Variants in SUGP2 observed in about 807,000 individuals in gnomAD.
SUGP2 encodes SURP and G-patch domain-containing protein 2.
SUGP2 carries 24 observed loss-of-function variants against 90.5 expected under a neutral mutation model. The ratio of observed to expected loss-of-function variants is 0.27; its 90% CI spans 0.19 to 0.37. The LOEUF (loss-of-function observed/expected upper bound fraction) is 0.37. SUGP2 is among the 10% of genes least tolerant of loss of function. The probability of loss-of-function intolerance (pLI) is 1.00; values close to 1 mark genes in which losing one functional copy is unlikely to be tolerated. For synonymous variants in SUGP2, 473 were observed against 513.4 expected (o/e 0.92, Z 1.06); for missense variants, 1,233 against 1,363.3 (o/e 0.90, Z 1.51).
At chr19:19,008,240 T>C (rs1260475511) in intron 6 of SUGP2, 77 bp downstream of exon 6, 2 of 1,258,390 alleles carry the variant, frequency 1.6e-6, no homozygotes, top group South Asian at 2.4e-5. Context: ...GGAATTCAAA[T>C]CCAGCCTAAG....
At position 19,031,783 on chromosome 19, in the gene SUGP2, C is replaced by T. The variant is rs1032400040; in HGVS notation, c.-11-701G>A. Among the ~76,000 whole-genome samples the T allele has an allele frequency of 9.3e-5, 14 of 151,200 alleles. 1 individual carries two copies. Among genetic ancestry groups the T allele is most frequent in the Admixed American group, 5.3e-4 (8 of 15,162 alleles). ...TAAGGAGGCAGTAATCCATAATCCTCGCATGGTACTTCAGAGGCAAGCTGG... is the reference window on the plus strand; with the variant it reads ...TAAGGAGGCAGTAATCCATAATCCTTGCATGGTACTTCAGAGGCAAGCTGG... On this transcript the variant is annotated intron_variant, in intron 1 of 10. Transcript: ENST00000452918.
At position 18,992,037 on chromosome 19, in the gene SUGP2, T is replaced by C. The variant is rs1217083084; in HGVS notation, c.*1704A>G. The stretch of plus-strand genomic sequence containing the variant: ...GACCACAGCCTAGGAAGTCTGTGGC[T>C]TAAAGAAAGCCAGGATTTCCTTTTT... On this transcript the variant is annotated 3_prime_UTR_variant, in exon 11 of 11. Coordinates refer to ENST00000452918, the MANE Select transcript of SUGP2 (RefSeq NM_001017392.5). The C allele has an allele frequency of 1.3e-5, 2 of 151,856 alleles. No homozygotes were observed. 9.4% of individuals were successfully genotyped at this position (151,856 alleles called of 1,614,324 possible). A position where few individuals can be genotyped will look rare whatever the true frequency, so the allele number is the denominator to read the frequency against.
At chr19:19,009,068 C>T (rs151181323) in intron 5 of SUGP2, among the ~76,000 whole-genome samples, 2,194 of 152,210 alleles carry the variant, frequency 0.014, 50 homozygotes, top group African/African-American at 0.047. Flanking sequence ...TGTGCCACCA[C>T]GCCCAGCTAA....
chr19:19,006,700 C>T (rs548609101), intron 6 of SUGP2, among the ~76,000 whole-genome samples: 11 of 152,192 alleles, frequency 7.2e-5, no homozygotes, highest in East Asian at 5.8e-4. Context: ...TGGACAGGTC[C>T]GACCCCGAGG....
rs1197848922 is a variant in SUGP2 at position 19,031,079 on chromosome 19, T to C, written c.-8A>G. ...AATTCGTCTGGCTGCCATGTTATTTTGCCCTATGGTGAGAGAGAAAAAAAT... is the reference window on the plus strand; with the variant it reads ...AATTCGTCTGGCTGCCATGTTATTTCGCCCTATGGTGAGAGAGAAAAAAAT... On this transcript the variant is annotated 5_prime_UTR_variant, in exon 2 of 11. Coordinates refer to ENST00000452918, the MANE Select transcript of SUGP2 (RefSeq NM_001017392.5). 4.4e-6 allele frequency: 7 copies of C among 1,608,610 alleles called. No individual in the cohort carries two copies. Among genetic ancestry groups the C allele is most frequent in the Middle Eastern group, 3.3e-4 (2 of 6,054 alleles).
chr19:19,016,613 C>G (rs1183871066), intron 4 of SUGP2, among the ~76,000 whole-genome samples: 1 of 152,130 alleles, frequency 6.6e-6, no homozygotes, highest in African/African-American at 2.4e-5. Context: ...TGGTTCAGAC[C>G]ACAGACCCTG....
At chr19:18,999,620 G>A (rs1192985822) in intron 8 of SUGP2, among the ~76,000 whole-genome samples, 1 of 152,178 alleles carries the variant, frequency 6.6e-6, no homozygotes, top group African/African-American at 2.4e-5. Context: ...ACTCGGGAAG[G>A]TCCCTCCTTC....
intron 8 of SUGP2, among the ~76,000 whole-genome samples, chr19:18,999,186 A>G (rs905823949): frequency 2.0e-5 from 3 of 152,164 alleles, no homozygotes; most frequent in African/African-American, 7.2e-5. Flanking sequence ...GGTTTCCTGG[A>G]CAGCTGGAGG....
At chr19:19,028,907 A>G (rs1218807896) in intron 2 of SUGP2, among the ~76,000 whole-genome samples, 1 of 152,092 alleles carries the variant, frequency 6.6e-6, no homozygotes, top group Non-Finnish European at 1.5e-5. Flanking sequence ...GACTGGTCTC[A>G]AACTCCTGAC....
At chr19:19,013,859 T>C (rs1167854080) in intron 4 of SUGP2, among the ~76,000 whole-genome samples, 2 of 152,250 alleles carry the variant, frequency 1.3e-5, no homozygotes, top group Non-Finnish European at 2.9e-5. Context: ...TTCAGCTTTA[T>C]ATCCTGCACT....
chr19:19,024,972 A>T lies in SUGP2; in HGVS notation c.1376T>A (p.Leu459His), dbSNP rs908952965. Residue 459 changes from leucine to histidine, a missense_variant, in exon 3 of 11, where the codon CTC becomes CAC. Physicochemically the swap from Leu to His is moderately conservative, Grantham distance 99 (BLOSUM62 -3). Around this residue, in one of 8 missense-constraint regions of SUGP2, gnomAD observed 59 missense variants for 92.6 expected, o/e 0.64. Transcript: ENST00000452918. Reference sequence around the variant, plus strand: ...AAGAGCCAAGTCCAGGGGGTTACTGAGGGTCTTCATCTTGACACTTAGCTC... The same window carrying T: ...AAGAGCCAAGTCCAGGGGGTTACTGTGGGTCTTCATCTTGACACTTAGCTC... Reference protein sequence around the residue: ...AYELSVKMKTLSNPLDLALAL... With the variant: ...AYELSVKMKTHSNPLDLALAL... 26 of 1,614,028 alleles carry T rather than the reference A, an allele frequency of 1.6e-5. No individual in the cohort carries two copies. Among genetic ancestry groups the T allele is most frequent in the Non-Finnish European group, 2.5e-6 (3 of 1,180,026 alleles).
intron 4 of SUGP2, among the ~76,000 whole-genome samples, chr19:19,017,368 T>G (rs2058538846): frequency 6.6e-6 from 1 of 152,192 alleles, no homozygotes; most frequent in African/African-American, 2.4e-5. Flanking sequence ...TTGTTACTAG[T>G]GAGACAGAAG....
chr19:19,002,505 GTTTTTTTTTTTTTTT>G (rs58282570), intron 7 of SUGP2, among the ~76,000 whole-genome samples: 2 of 61,102 alleles, frequency 3.3e-5, no homozygotes, highest in Non-Finnish European at 5.7e-5. Context: ...TAGCAAGTCT[GTTTTTTTTTTTTTTT>G]TTTTTTTTTT....
chr19:19,001,496 T>C, intron 8 of SUGP2, 117 bp downstream of exon 8: 1 of 1,072,472 alleles, frequency 9.3e-7, no homozygotes, highest in East Asian at 2.4e-5. Flanking sequence ...TTTTACACAT[T>C]AATACCTCAG....
intron 2 of SUGP2, among the ~76,000 whole-genome samples, chr19:19,027,139 G>A (rs944721431): frequency 6.6e-6 from 1 of 152,172 alleles, no homozygotes; most frequent in South Asian, 2.1e-4. Flanking sequence ...AGGGCGGAGG[G>A]GAAGATGTAC....
At chr19:19,024,581 G>A (rs377481223) in intron 3 of SUGP2, 38 bp downstream of exon 3, 14 of 1,557,888 alleles carry the variant, frequency 9.0e-6, no homozygotes, top group Middle Eastern at 1.7e-4. Context: ...AAAGAAACAC[G>A]AAAAACAACA....
chr19:19,021,892 T>C (rs1313592380), intron 3 of SUGP2, among the ~76,000 whole-genome samples: 1 of 152,182 alleles, frequency 6.6e-6, no homozygotes, highest in Non-Finnish European at 1.5e-5. Context: ...CTCGAACTCC[T>C]GACCTCAGGT....
At chr19:19,033,546 G>A (rs537845970), upstream of SUGP2, 2 of 1,291,066 alleles carry the variant, frequency 1.5e-6, no homozygotes, top group South Asian at 2.0e-5. Context: ...TCTCCGCAGC[G>A]CCGCGCCGCG....
rs1014383783 is a variant in SUGP2 at position 18,993,235 on chromosome 19, A to C, written c.*506T>G. The C allele has an allele frequency of 6.6e-6, 1 of 152,204 alleles. No individual in the cohort carries two copies. Among genetic ancestry groups the C allele is most frequent in the African/African-American group, 2.4e-5 (1 of 41,456 alleles). The allele number at this position is 152,204 out of a possible 1,614,324, so 9.4% of individuals were successfully genotyped here. ...ACTCAAGTATGGCAACTGTTCAGAG[A>C]GCTTCAGAGCTTTGGTACCCGAGTG... On this transcript the variant is annotated 3_prime_UTR_variant, in exon 11 of 11. Transcript: ENST00000452918.
Sources: allele counts gnomAD v4.1 joint callset (sites outside exome capture counted in the v4.1 genomes callset), GRCh38; gene constraint gnomAD v4.1.1; regional missense constraint gnomAD v4.1.1; transcripts MANE v1.5; gene names NCBI Gene and HGNC (gene_info 2026-07-23, HGNC 2026-07-21).